The following MEP1A variants were observed in gnomAD, a reference collection of about 807,000 sequenced individuals.
MEP1A encodes the protein N-benzoyl-L-tyrosyl-P-amino-benzoic acid hydrolase subunit alpha.
A neutral mutation model predicts 84.5 loss-of-function variants in MEP1A; 68 were observed. That is an observed-to-expected ratio of 0.80 (90% confidence interval 0.66 to 0.98). MEP1A has a LOEUF of 0.98. Ranked by LOEUF, MEP1A falls within the 50% of genes least tolerant of loss-of-function variation. The pLI is 0.00. For synonymous variants in MEP1A, 337 were observed against 336.8 expected (o/e 1.00, Z -0.01); for missense variants, 887 against 919.9 (o/e 0.96, Z 0.46).
At position 46,793,441 on chromosome 6, in the gene MEP1A, C is replaced by T. The variant is rs1363004968; in HGVS notation, c.43C>T (p.Leu15Phe). 1.2e-6 allele frequency: 2 copies of T among 1,602,948 alleles called. No homozygotes were observed. ...RSTCILFFTLLFAHIAAVPIK... is the reference protein window; with the variant it reads ...RSTCILFFTLFFAHIAAVPIK... Reference sequence around the variant, plus strand: ...CACTTGCATTCTCTTTTTTACCTTGCTTTTTGCCCACATAGCAGCTGTACC... The same window carrying T: ...CACTTGCATTCTCTTTTTTACCTTGTTTTTTGCCCACATAGCAGCTGTACC... Residue 15 changes from leucine (L) to phenylalanine (F), a missense_variant, in exon 1 of 14, where the codon CTT becomes TTT. By Grantham distance (22) the Leu-to-Phe change is conservative. Transcript: ENST00000230588.
rs1297096154 is a variant in MEP1A at position 46,819,604 on chromosome 6, C to T, written c.456C>T (p.Ile152=). ...GCCAAGGATGTGCCTATAAGGCCAT[C>T]ATAGAACACGAGATCCTGCATGCTT... ...SIGQGCAYKA[I]IEHEILHALG... is the part of the protein sequence containing the mutation. The change falls in exon 7 of 14, where the codon ATC becomes ATT. Residue 152 remains isoleucine (I), a synonymous_variant. Transcript: ENST00000230588. The T allele has an allele frequency of 6.2e-7, 1 of 1,614,056 alleles. No homozygotes were observed. Among genetic ancestry groups the T allele is most frequent in the East Asian group, 2.2e-5 (1 of 44,882 alleles).
Position 46,835,342 on chromosome 6 carries a change from C to T in MEP1A, c.1877C>T (p.Ser626Phe), listed in dbSNP as rs1344767546. 6.2e-7 allele frequency: 1 copy of T among 1,610,090 alleles called. No homozygotes were observed. The highest frequency in any genetic ancestry group is 8.5e-7 in the Non-Finnish European group (1 of 1,178,328). The change falls in exon 13 of 14, where the codon TCC becomes TTC. Residue 626 changes from serine (S) to phenylalanine (F), a missense_variant. Transcript: ENST00000230588. ...CTCCAAGGCCAGGAGCAGCAGGTCT[C>T]CGAAGAAGGTTCGGGAAAGGCCATG... ...LILQGQEQQV[S>F]EEGSGKAMLE... is the part of the protein sequence containing the mutation.
chr6:46,837,885 C>G (rs1768249281), intron 13 of MEP1A, among the ~76,000 whole-genome samples: 1 of 151,052 alleles, frequency 6.6e-6, no homozygotes. Flanking sequence ...AAAGAAAATG[C>G]TGACTTCTTA....
intron 6 of MEP1A, among the ~76,000 whole-genome samples, chr6:46,817,230 AT>A (rs1197264274): frequency 6.6e-6 from 1 of 152,144 alleles, no homozygotes; most frequent in Non-Finnish European, 1.5e-5. Context: ...AGTATCTGAG[AT>A]TTCAGATTTG....
downstream of MEP1A, among the ~76,000 whole-genome samples, chr6:46,844,704 C>A (rs536865325): frequency 1.3e-5 from 2 of 152,332 alleles, no homozygotes; most frequent in African/African-American, 4.8e-5. Flanking sequence ...AACATCCATT[C>A]TTCTTTTCTC....
At chr6:46,840,008 G>A (rs1345641364), downstream of MEP1A, among the ~76,000 whole-genome samples, 3 of 151,160 alleles carry the variant, frequency 2.0e-5, no homozygotes, top group Admixed American at 1.3e-4. Context: ...TCTAGCTGGG[G>A]CAAGGAAGTT....
intron 6 of MEP1A, 109 bp from the exon 7 acceptor site, chr6:46,819,420 C>A (rs1767715246): frequency 1.2e-5 from 10 of 869,476 alleles, no homozygotes; most frequent in African/African-American, 1.7e-5. Context: ...TTGGTAATTT[C>A]TTTCTAAAAT....
At chr6:46,826,587 C>G (rs1767952742) in intron 9 of MEP1A, 84 bp downstream of exon 9, 4 of 1,212,068 alleles carry the variant, frequency 3.3e-6, no homozygotes, top group Admixed American at 3.0e-5. Flanking sequence ...TTGCCTCAGT[C>G]AGAATGTTAG....
At chr6:46,835,760 A>G (rs573091646) in intron 13 of MEP1A, among the ~76,000 whole-genome samples, 1 of 152,184 alleles carries the variant, frequency 6.6e-6, no homozygotes, top group South Asian at 2.1e-4. Context: ...TTGTCTCTTG[A>G]CTTTCACCCC....
Position 46,829,423 on chromosome 6 carries a change from T to C in MEP1A, c.996T>C (p.Ser332=). The C allele has an allele frequency of 6.2e-7, 1 of 1,614,156 alleles. No individual in the cohort carries two copies. ...CGGAAGAGGCAGCCCTACTGGAGTC[T>C]CGGATTCTTTACCCAAAGAGGAAGC... ...GSAEEAALLE[S]RILYPKRKQQ... The change falls in exon 10 of 14, where the codon TCT becomes TCC. Residue 332 remains serine, a synonymous_variant. Coordinates refer to ENST00000230588, the MANE Select transcript of MEP1A (RefSeq NM_005588.3).
chr6:46,838,797 C>A (rs1219285360), intron 13 of MEP1A, among the ~76,000 whole-genome samples, 183 bp from the exon 14 acceptor site: 1 of 152,196 alleles, frequency 6.6e-6, no homozygotes, highest in Non-Finnish European at 1.5e-5. Context: ...ATAGCCTCCA[C>A]CTCAAAGGGT....
chr6:46,799,147 G>C lies in MEP1A; in HGVS notation c.228G>C (p.Thr76=), dbSNP rs1275859792. The C allele has an allele frequency of 6.2e-7, 1 of 1,612,932 alleles. No homozygotes were observed. Residue 76 remains threonine, a synonymous_variant, in exon 5 of 14, where the codon ACG becomes ACC. Coordinates refer to ENST00000230588, the MANE Select transcript of MEP1A (RefSeq NM_005588.3). Reference sequence around the variant, plus strand: ...TGAGAGACCCAAACACCAGGTGGACGTTCCCCATTCCTTACATCTTGGCTG... The same window carrying C: ...TGAGAGACCCAAACACCAGGTGGACCTTCCCCATTCCTTACATCTTGGCTG... The part of the protein sequence containing the change: ...NGLRDPNTRW[T]FPIPYILADN...
chr6:46,815,024 T>C (rs1436205960), intron 6 of MEP1A, among the ~76,000 whole-genome samples: 1 of 152,174 alleles, frequency 6.6e-6, no homozygotes, highest in East Asian at 1.9e-4. Flanking sequence ...TTGGCAATCC[T>C]CCAGCCAGGA....
At chr6:46,798,778 C>A in intron 4 of MEP1A, 132 bp downstream of exon 4, 1 of 763,182 alleles carries the variant, frequency 1.3e-6, no homozygotes. Flanking sequence ...ATAATCTGTT[C>A]CAGTGAGGAG....
Position 46,822,989 on chromosome 6 carries a change from A to T in MEP1A, c.557-2283A>T, listed in dbSNP as rs566321240. ...CCATTACCTCAAATGACATCCTAGG[A>T]CCAAGTACTCTGGAGGGATTAACTT... is the stretch of plus-strand genomic sequence containing the variant. On this transcript the variant is annotated intron_variant, in intron 7 of 13. Coordinates refer to ENST00000230588, the MANE Select transcript of MEP1A (RefSeq NM_005588.3). Among the ~76,000 whole-genome samples, 27 of 152,266 alleles carry T rather than the reference A, an allele frequency of 1.8e-4. No individual in the cohort carries two copies. The South Asian group carries it at 5.6e-3, about 32-fold the overall frequency.
At chr6:46,824,211 C>T (rs1388189843) in intron 7 of MEP1A, among the ~76,000 whole-genome samples, 1 of 151,982 alleles carries the variant, frequency 6.6e-6, no homozygotes, top group Admixed American at 6.6e-5. Flanking sequence ...TTTGGAATAC[C>T]TTCCTCAGCT....
At position 46,829,535 on chromosome 6, in the gene MEP1A, A is replaced by G. The variant is rs376559870; in HGVS notation, c.1108A>G (p.Asn370Asp). 6 of 1,614,080 alleles carry G rather than the reference A, an allele frequency of 3.7e-6. No homozygotes were observed. In the African/African-American group the frequency reaches 6.7e-5, roughly 18 times the overall value. ...GGTCAGGAGGGATGACAGCACAGGCAATGTTCGCAAGTTGGTGAAGGTGCA... is the reference window on the plus strand; with the variant it reads ...GGTCAGGAGGGATGACAGCACAGGCGATGTTCGCAAGTTGGTGAAGGTGCA... ...VWVRRDDSTG[N>D]VRKLVKVQTF... The change falls in exon 10 of 14, where the codon AAT becomes GAT. Residue 370 changes from asparagine (N) to aspartate (D), a missense_variant. Transcript: ENST00000230588.
chr6:46,826,319 C>A, intron 8 of MEP1A, 35 bp from the exon 9 acceptor site: 1 of 1,556,404 alleles, frequency 6.4e-7, no homozygotes, highest in South Asian at 1.2e-5. Flanking sequence ...GACTATCTTT[C>A]ATTTTTAACC....
intron 8 of MEP1A, 82 bp downstream of exon 8, chr6:46,825,575 C>T: frequency 1.0e-6 from 1 of 983,988 alleles, no homozygotes; most frequent in Non-Finnish European, 1.5e-6. Context: ...TTTACATTTT[C>T]CTTTACTCTT....
Sources: gnomAD v4.1 joint callset for allele counts (sites outside exome capture counted in the v4.1 genomes callset) on GRCh38, gnomAD v4.1.1 for gene constraint, MANE v1.5 for transcripts, NCBI Gene and HGNC (gene_info 2026-07-23, HGNC 2026-07-21) for gene names.